SHISA9: variants seen among roughly 807,000 people sequenced by gnomAD.
SHISA9 encodes protein shisa-9.
Under a neutral mutation model 38.0 loss-of-function variants are expected in SHISA9, and 13 were observed. That is an observed-to-expected ratio of 0.34 (90% confidence interval 0.22 to 0.54). SHISA9 has a LOEUF of 0.54. Ranked by LOEUF, SHISA9 falls within the 20% of genes least tolerant of loss-of-function variation. The probability of loss-of-function intolerance (pLI) is 0.91; values close to 1 mark genes in which losing one functional copy is unlikely to be tolerated. For synonymous variants in SHISA9, 275 were observed against 242.0 expected (o/e 1.14, Z -1.27); for missense variants, 538 against 575.8 (o/e 0.93, Z 0.67).
At chr16:13,411,526 C>T in the SHISA9 span, among the ~76,000 whole-genome samples, 3 of 152,218 alleles carry the variant, frequency 2.0e-5, no homozygotes, top group East Asian at 1.9e-4. Context: ...CAGTCCAGGC[C>T]GGGAGGGCCT....
intron 2 of SHISA9, among the ~76,000 whole-genome samples, chr16:13,004,479 A>G (rs1001015952): frequency 6.6e-6 from 1 of 152,226 alleles, no homozygotes; most frequent in Non-Finnish European, 1.5e-5. Context: ...CTAGGAAGCC[A>G]TTGGAAGGCT....
chr16:13,000,876 G>A (rs1338351408), intron 2 of SHISA9, among the ~76,000 whole-genome samples: 37 of 152,190 alleles, frequency 2.4e-4, no homozygotes, highest in Admixed American at 2.4e-3. Context: ...ACAGCTGGGA[G>A]ATGAAAATAG....
At chr16:13,366,115 C>G in the SHISA9 span, among the ~76,000 whole-genome samples, 2 of 152,174 alleles carry the variant, frequency 1.3e-5, no homozygotes, top group African/African-American at 4.8e-5. Flanking sequence ...ATGCACCATT[C>G]AAGGGCCATG....
intron 2 of SHISA9, among the ~76,000 whole-genome samples, chr16:13,052,267 A>G (rs2073260840): frequency 6.6e-6 from 1 of 152,190 alleles, no homozygotes; most frequent in African/African-American, 2.4e-5. Flanking sequence ...AGTGATTTAG[A>G]GACATTTTCC....
chr16:13,342,645 A>G, the SHISA9 span, among the ~76,000 whole-genome samples: 10 of 152,140 alleles, frequency 6.6e-5, no homozygotes, highest in Admixed American at 6.5e-4. Flanking sequence ...ACTCTAATAC[A>G]ATAACTCTTC....
chr16:13,256,886 A>T, the SHISA9 span, among the ~76,000 whole-genome samples: 1 of 152,212 alleles, frequency 6.6e-6, no homozygotes, highest in Admixed American at 6.5e-5. Context: ...GACCCCTTTA[A>T]GCAGCTGTTG....
chr16:13,488,962 A>T, the SHISA9 span, among the ~76,000 whole-genome samples: 2 of 151,862 alleles, frequency 1.3e-5, no homozygotes, highest in Non-Finnish European at 2.9e-5. Context: ...TTTACTAGAG[A>T]CGGGGTTTCA....
At chr16:13,403,000 C>T in the SHISA9 span, among the ~76,000 whole-genome samples, 6 of 152,048 alleles carry the variant, frequency 3.9e-5, no homozygotes, top group East Asian at 1.2e-3. Flanking sequence ...CGCCTGTAGT[C>T]CCGGTTACTC....
chr16:13,315,087 C>A, the SHISA9 span, among the ~76,000 whole-genome samples: 73,105 of 151,396 alleles, frequency 0.48, 17,823 homozygotes, highest in Middle Eastern at 0.53. Flanking sequence ...TCAAATAGAA[C>A]CTGCTGTTGG....
At chr16:13,144,262 C>G (rs1314279317) in intron 2 of SHISA9, among the ~76,000 whole-genome samples, 3 of 151,744 alleles carry the variant, frequency 2.0e-5, no homozygotes, top group Non-Finnish European at 4.4e-5. Context: ...AAGAGATTCT[C>G]CTGCCTCAGC....
chr16:13,417,380 G>GAA, the SHISA9 span, among the ~76,000 whole-genome samples: 2 of 147,122 alleles, frequency 1.4e-5, no homozygotes, highest in African/African-American at 5.0e-5. Flanking sequence ...TTTTGAGTTG[G>GAA]AAAAAAAAAA....
rs904003788 is a variant in SHISA9, at chr16:13,071,806, A to AT, written c.692-131577dup. ...GCATGCACCACCATGCCCGGCTTTT[A>AT]TTTTTTTTTTTAATTTTTATGGAGA... On this transcript the variant is annotated intron_variant, in intron 2 of 4. Transcript: ENST00000558583. Among the ~76,000 whole-genome samples, 165 of 145,456 alleles carry AT rather than the reference A, an allele frequency of 1.1e-3. 1 individual carries two copies. Among genetic ancestry groups the AT allele is most frequent in the East Asian group, 0.011 (54 of 4,990 alleles).
chr16:13,511,532 A>T, the SHISA9 span, among the ~76,000 whole-genome samples: 1 of 152,212 alleles, frequency 6.6e-6, no homozygotes, highest in South Asian at 2.1e-4. Context: ...GGTACAATAA[A>T]GGTAACATGT....
chr16:13,469,302 C>G, the SHISA9 span, among the ~76,000 whole-genome samples: 1,316 of 46,374 alleles, frequency 0.028, 83 homozygotes, highest in East Asian at 0.17. Flanking sequence ...GAAAGAAAGA[C>G]AGAGAGAGAG....
intron 2 of SHISA9, among the ~76,000 whole-genome samples, chr16:12,936,299 C>T (rs1469184030): frequency 6.6e-6 from 1 of 152,148 alleles, no homozygotes; most frequent in African/African-American, 2.4e-5. Flanking sequence ...GATACTTGAG[C>T]AGTTGGGATC....
chr16:13,210,744 T>C (rs972576249), intron 3 of SHISA9, among the ~76,000 whole-genome samples: 1 of 152,202 alleles, frequency 6.6e-6, no homozygotes, highest in South Asian at 2.1e-4. Flanking sequence ...ACCCCCCGTT[T>C]TGCAGATGGG....
At chr16:13,009,725 C>G (rs1311012783) in intron 2 of SHISA9, among the ~76,000 whole-genome samples, 1 of 152,178 alleles carries the variant, frequency 6.6e-6, no homozygotes, top group Non-Finnish European at 1.5e-5. Flanking sequence ...ACTCAAATGC[C>G]TGCAAGGGCC....
the SHISA9 span, among the ~76,000 whole-genome samples, chr16:13,475,361 A>T: frequency 1.3e-5 from 2 of 151,598 alleles, no homozygotes; most frequent in African/African-American, 2.4e-5. Context: ...ATATATATTT[A>T]TATATATATG....
chr16:13,069,901 C>A (rs541485131), intron 2 of SHISA9, among the ~76,000 whole-genome samples: 52 of 152,084 alleles, frequency 3.4e-4, no homozygotes, highest in Non-Finnish European at 5.6e-4. Context: ...AGGAATGAGT[C>A]CTCATCAGAC....
Sources: allele counts gnomAD v4.1 joint callset (sites outside exome capture counted in the v4.1 genomes callset), GRCh38; gene constraint gnomAD v4.1.1; transcripts MANE v1.5; gene names NCBI Gene and HGNC (gene_info 2026-07-23, HGNC 2026-07-21).